The following CAMTA1 variants were observed in gnomAD, a reference collection of about 807,000 sequenced individuals.
CAMTA1 encodes calmodulin-binding transcription activator 1.
In CAMTA1, 27 loss-of-function variants were observed where a neutral mutation model predicts 170.9. That is an observed-to-expected ratio of 0.16 (90% CI 0.12 to 0.22). The LOEUF (loss-of-function observed/expected upper bound fraction) is 0.22, where lower values mean the gene tolerates loss of function less well. Among genes scored for constraint, CAMTA1 ranks in the 10% least tolerant of loss-of-function variants. CAMTA1 has a pLI of 1.00. For missense variants in CAMTA1, 1,619 were observed against 2,217.2 expected (o/e 0.73, Z 5.42); for synonymous variants, 833 against 891.5 (o/e 0.93, Z 1.17).
Position 7,380,768 on chromosome 1 carries a change from G to T in CAMTA1, c.439-87062G>T, listed in dbSNP as rs192413784. ...GTCCTCCCTTCTGATGCCAGGCAGG[G>T]TTAGGCACTTTGGGCTCTATGAAAA... is the stretch of plus-strand genomic sequence containing the variant. On this transcript the variant is annotated intron_variant, in intron 5 of 22. Coordinates refer to ENST00000303635, the MANE Select transcript of CAMTA1 (RefSeq NM_015215.4). Among the ~76,000 whole-genome samples the T allele has an allele frequency of 6.0e-4, 92 of 152,306 alleles. 1 individual carries two copies. In the East Asian group the frequency reaches 0.016, roughly 27 times the overall value.
chr1:6,811,103 T>C (rs1054545774), intron 1 of CAMTA1, among the ~76,000 whole-genome samples: 2 of 152,234 alleles, frequency 1.3e-5, no homozygotes, highest in East Asian at 3.8e-4. Context: ...CATTCTGTGT[T>C]ACAGTTGCCA....
chr1:7,451,444 G>A (rs1267698166), intron 5 of CAMTA1, among the ~76,000 whole-genome samples: 1 of 152,106 alleles, frequency 6.6e-6, no homozygotes, highest in Non-Finnish European at 1.5e-5. Flanking sequence ...TCTGCCTGGG[G>A]GATGAGGGAT....
At chr1:6,943,114 C>A (rs1686941476) in intron 3 of CAMTA1, among the ~76,000 whole-genome samples, 1 of 152,088 alleles carries the variant, frequency 6.6e-6, no homozygotes, top group African/African-American at 2.4e-5. Flanking sequence ...GACTGGCCCT[C>A]ATTCCTTATC....
intron 3 of CAMTA1, among the ~76,000 whole-genome samples, chr1:7,053,392 C>T (rs983489939): frequency 4.6e-5 from 7 of 152,200 alleles, no homozygotes; most frequent in Admixed American, 2.0e-4. Context: ...GATGCGGGAG[C>T]GTGGCAGCCC....
chr1:7,387,633 G>A lies in CAMTA1; in HGVS notation c.439-80197G>A, dbSNP rs75671472. Among the ~76,000 whole-genome samples, 155 of 152,276 alleles carry A rather than the reference G, an allele frequency of 1.0e-3. 1 individual carries two copies. In the East Asian group the frequency reaches 0.022, roughly 22 times the overall value. On this transcript the variant is annotated intron_variant, in intron 5 of 22. Transcript: ENST00000303635. ...TTCTTAAAGCTGGAGGCAGGTTAGC[G>A]TCAACTAACACACACAGAGAAAAAG...
intron 5 of CAMTA1, among the ~76,000 whole-genome samples, chr1:7,452,286 C>T (rs887941894): frequency 2.0e-5 from 3 of 152,332 alleles, no homozygotes; most frequent in African/African-American, 7.2e-5. Context: ...TGTGCTGAGG[C>T]AGCTTCCCCA....
At chr1:7,085,095 T>C (rs970832035) in intron 3 of CAMTA1, among the ~76,000 whole-genome samples, 3 of 152,202 alleles carry the variant, frequency 2.0e-5, no homozygotes, top group Non-Finnish European at 4.4e-5. Context: ...CAACCCGTCA[T>C]CTAGGATTTA....
chr1:7,172,297 C>T (rs2148830191), intron 4 of CAMTA1, among the ~76,000 whole-genome samples: 1 of 152,230 alleles, frequency 6.6e-6, no homozygotes, highest in African/African-American at 2.4e-5. Flanking sequence ...TTACAGGTGC[C>T]TGCCACCACG....
chr1:6,864,831 C>A (rs988446062), intron 3 of CAMTA1, among the ~76,000 whole-genome samples: 38 of 152,114 alleles, frequency 2.5e-4, no homozygotes, highest in African/African-American at 8.9e-4. Flanking sequence ...TGTTCTATGT[C>A]GGAATTGTTC....
chr1:6,853,442 T>TA (rs1193047635), intron 3 of CAMTA1, among the ~76,000 whole-genome samples: 10 of 152,088 alleles, frequency 6.6e-5, no homozygotes, highest in African/African-American at 2.4e-4. Flanking sequence ...AACAAATTAA[T>TA]AGAGGGGAAA....
At position 7,456,198 on chromosome 1, in the gene CAMTA1, G is replaced by A. The variant is rs1052495362; in HGVS notation, c.439-11632G>A. Among the ~76,000 whole-genome samples, 11 of 149,564 alleles carry A rather than the reference G, an allele frequency of 7.4e-5. No individual in the cohort carries two copies. Among genetic ancestry groups the A allele is most frequent in the Non-Finnish European group, 1.6e-4 (11 of 67,352 alleles). ...GATGGAAGGGAGGGAGGAAAAATGG[G>A]AGGGAGGGAGGAAGAATGGGAGAGA... On this transcript the variant is annotated intron_variant, in intron 5 of 22. Transcript: ENST00000303635. The surrounding 1 kb of genome is among the most constrained non-coding windows in gnomAD (Gnocchi z 4.9).
intron 3 of CAMTA1, among the ~76,000 whole-genome samples, chr1:6,925,269 T>C (rs1036395129): frequency 2.6e-5 from 4 of 152,256 alleles, no homozygotes; most frequent in African/African-American, 9.6e-5. Context: ...CATTTCTTGA[T>C]GGGCCAAGAG....
chr1:6,880,383 GTTTTTTTTTT>G lies in CAMTA1; in HGVS notation c.234+55188_234+55197del, dbSNP rs34745856. Among the ~76,000 whole-genome samples the G allele has an allele frequency of 3.6e-4, 24 of 67,206 alleles. No individual in the cohort carries two copies. The East Asian group carries it at 0.01, about 28-fold the overall frequency. The allele number at this position is 67,206 out of a possible 152,430, so 44.1% of individuals were successfully genotyped here. ...GCCACCAGGCCCAGCCTCTAAAAGT[GTTTTTTTTTT>G]TTTTTTTTTTTTTTGAGACAGGGTT... is the stretch of plus-strand genomic sequence containing the variant. On this transcript the variant is annotated intron_variant, in intron 3 of 22. Transcript: ENST00000303635.
chr1:7,284,124 C>CCGTTCTTCTTCTTCTTCT, intron 5 of CAMTA1, among the ~76,000 whole-genome samples: 1 of 136,772 alleles, frequency 7.3e-6, no homozygotes, highest in African/African-American at 2.7e-5. Context: ...GTATTTGCTG[C>CCGTTCTTCTTCTTCTTCT]TGTTCTTCTT....
At chr1:7,238,107 T>A (rs1664218542) in intron 4 of CAMTA1, among the ~76,000 whole-genome samples, 1 of 152,086 alleles carries the variant, frequency 6.6e-6, no homozygotes, top group African/African-American at 2.4e-5. Context: ...ACTAGCATAA[T>A]GAATTCACAT....
chr1:7,140,294 A>C (rs928190953), intron 4 of CAMTA1, among the ~76,000 whole-genome samples: 10 of 152,210 alleles, frequency 6.6e-5, no homozygotes, highest in Non-Finnish European at 1.0e-4. Flanking sequence ...GAAAACATGC[A>C]ACCTGTGATG....
chr1:7,685,057 C>G lies in CAMTA1; in HGVS notation c.2914+7324C>G, dbSNP rs1392850199. On this transcript the variant is annotated intron_variant, in intron 11 of 22. Transcript: ENST00000303635. This position sits in a 1 kb window ranked among gnomAD's most constrained non-coding sequence, Gnocchi z 5.7. ...CACAGGTGGCATGTTTTGAGGAGTT[C>G]GCAGGCACCGTCCCGTGGTCACAGG... Among the ~76,000 whole-genome samples the G allele has an allele frequency of 6.6e-6, 1 of 151,936 alleles. No individual in the cohort carries two copies. Among genetic ancestry groups the G allele is most frequent in the Admixed American group, 6.5e-5 (1 of 15,270 alleles).
At chr1:6,903,080 T>C (rs1339076975) in intron 3 of CAMTA1, among the ~76,000 whole-genome samples, 1 of 152,210 alleles carries the variant, frequency 6.6e-6, no homozygotes, top group Non-Finnish European at 1.5e-5. Context: ...ATGAATAAAT[T>C]ATTACAGTGG....
At chr1:7,583,558 G>A (rs889816103) in intron 6 of CAMTA1, among the ~76,000 whole-genome samples, 1 of 152,110 alleles carries the variant, frequency 6.6e-6, no homozygotes, top group Non-Finnish European at 1.5e-5. Context: ...CGAGGTGTGG[G>A]GTAGGACCCA....
Sources: allele counts gnomAD v4.1 joint callset (sites outside exome capture counted in the v4.1 genomes callset), GRCh38; gene constraint gnomAD v4.1.1; non-coding constraint Gnocchi (gnomAD v3.1); transcripts MANE v1.5; gene names NCBI Gene and HGNC (gene_info 2026-07-23, HGNC 2026-07-21).